The following GOLIM4 variants were observed in gnomAD, a reference collection of about 807,000 sequenced individuals.
The protein encoded by GOLIM4 is golgi integral membrane protein 4, also known as 130 kDa golgi-localized phosphoprotein.
Under a neutral mutation model 107.4 loss-of-function variants are expected in GOLIM4, and 71 were observed. The ratio of observed to expected loss-of-function variants is 0.66; its 90% CI spans 0.55 to 0.81. The LOEUF (loss-of-function observed/expected upper bound fraction) is 0.81, where lower values mean the gene tolerates loss of function less well. Ranked by LOEUF, GOLIM4 falls within the 30% of genes least tolerant of loss-of-function variation. GOLIM4 has a pLI of 0.00. For missense variants in GOLIM4, 830 were observed against 826.1 expected, an observed-to-expected ratio of 1.00 and a Z score of -0.06; for synonymous variants, 327 against 294.8, an observed-to-expected ratio of 1.11 and a Z score of -1.12.
At chr3:168,040,644 C>A in intron 7 of GOLIM4, 142 bp downstream of exon 7, 3 of 520,826 alleles carry the variant, frequency 5.8e-6, no homozygotes, top group Non-Finnish European at 1.0e-5. Flanking sequence ...ATTTTGAAAG[C>A]ATGCATGATC....
rs559297607 is a variant in GOLIM4 at position 168,012,077 on chromosome 3, G to A, written c.1861-1254C>T. On this transcript the variant is annotated intron_variant, in intron 14 of 15. Coordinates refer to ENST00000470487, the MANE Select transcript of GOLIM4 (RefSeq NM_014498.5). ...GACGAGCTGAGAGAAGGCTTCAGACGATCAAATTACTCTGAGCTACGGGAG... is the reference window on the plus strand; with the variant it reads ...GACGAGCTGAGAGAAGGCTTCAGACAATCAAATTACTCTGAGCTACGGGAG... Among the ~76,000 whole-genome samples the A allele has an allele frequency of 1.0e-3, 128 of 127,474 alleles. 3 individuals are homozygous for A. The highest frequency in any genetic ancestry group is 7.4e-3 in the Middle Eastern group (2 of 272). 83.6% of individuals were successfully genotyped at this position (127,474 alleles called of 152,430 possible).
In GOLIM4 at chr3:168,032,710, T is replaced by C. The variant is rs1378857548; in HGVS notation, c.986A>G (p.Glu329Gly). The C allele has an allele frequency of 1.9e-6, 3 of 1,613,962 alleles. No individual in the cohort carries two copies. The Admixed American group carries it at 5.0e-5, about 27-fold the overall frequency. ...EPIQQEVERR[E>G]PEEHQVEEEH... ...CTCTTCCACCTGATGCTCCTCAGGTTCTCTGCGTTCCACTTCTTGTTGGAT... is the reference window on the plus strand; with the variant it reads ...CTCTTCCACCTGATGCTCCTCAGGTCCTCTGCGTTCCACTTCTTGTTGGAT... Residue 329 changes from glutamate (E) to glycine (G), a missense_variant, in exon 9 of 16, where the codon GAA (glutamate) becomes GGA (glycine). Coordinates refer to ENST00000470487, the MANE Select transcript of GOLIM4 (RefSeq NM_014498.5).
At chr3:168,058,039 T>C (rs1221769258) in intron 1 of GOLIM4, among the ~76,000 whole-genome samples, 5 of 152,208 alleles carry the variant, frequency 3.3e-5, no homozygotes, top group East Asian at 1.9e-4. Context: ...AGGCTCACAC[T>C]ATTAGCATTA....
At chr3:168,076,240 T>A (rs1019433431) in intron 1 of GOLIM4, among the ~76,000 whole-genome samples, 1 of 152,258 alleles carries the variant, frequency 6.6e-6, no homozygotes, top group African/African-American at 2.4e-5. Flanking sequence ...TAAGTGAATA[T>A]GGTAATTTTT....
Position 168,024,552 on chromosome 3 carries a change from G to A in GOLIM4, c.1834C>T (p.Gln612Ter), listed in dbSNP as rs1484385121. 1.2e-6 allele frequency: 2 copies of A among 1,613,166 alleles called. No individual in the cohort carries two copies. The highest frequency in any genetic ancestry group is 1.3e-5 in the African/African-American group (1 of 75,004). ...PDQQEDNVDE[Q>*]YQEEAEEEVQ... ...TCCTCTTCTGCCTCTTCCTGGTACT[G>A]TTCATCAACATTGTCCTCCTGCTGG... The change falls in exon 14 of 16, where the codon CAG (glutamine) becomes TAG (stop). Residue 612 changes from glutamine to a stop codon, truncating the protein, a stop_gained. Coordinates refer to ENST00000470487, the MANE Select transcript of GOLIM4 (RefSeq NM_014498.5). LOFTEE classifies it high-confidence loss of function.
Position 168,009,846 on chromosome 3 carries a change from T to A in GOLIM4, c.*423A>T, listed in dbSNP as rs1716889232. On this transcript the variant is annotated 3_prime_UTR_variant, in exon 16 of 16. Coordinates refer to ENST00000470487, the MANE Select transcript of GOLIM4 (RefSeq NM_014498.5). ...AGGGCAGCAATTAGTAAACAGGCCA[T>A]TCTCTTTAAAGTCTGCATGGCATTT... 1 of 154,928 alleles carries A rather than the reference T, an allele frequency of 6.5e-6. No homozygotes were observed. The highest frequency in any genetic ancestry group is 2.4e-5 in the African/African-American group (1 of 41,656). 9.6% of individuals were successfully genotyped at this position (154,928 alleles called of 1,614,324 possible).
chr3:168,050,086 C>T (rs1391808235), intron 1 of GOLIM4, among the ~76,000 whole-genome samples: 2 of 152,144 alleles, frequency 1.3e-5, no homozygotes, highest in Non-Finnish European at 2.9e-5. Context: ...CCATCCCCTT[C>T]CTCTACCAGG....
At chr3:168,043,239 T>A in intron 5 of GOLIM4, 140 bp downstream of exon 5, 1 of 614,298 alleles carries the variant, frequency 1.6e-6, no homozygotes, top group Non-Finnish European at 2.8e-6. Flanking sequence ...TGTGAAACAT[T>A]ACAAAGAAAA....
intron 12 of GOLIM4, 106 bp from the exon 13 acceptor site, chr3:168,025,201 C>A: frequency 1.2e-6 from 1 of 852,678 alleles, no homozygotes. Context: ...GTCCTTCCCT[C>A]AATTGTTCAG....
At chr3:168,059,779 G>C (rs1406648987) in intron 1 of GOLIM4, among the ~76,000 whole-genome samples, 2 of 152,184 alleles carry the variant, frequency 1.3e-5, no homozygotes, top group Non-Finnish European at 1.5e-5. Flanking sequence ...TTTTAAAATA[G>C]AGTGATGAGG....
Position 168,010,657 on chromosome 3 carries a change from G to C in GOLIM4, c.1941+86C>G, listed in dbSNP as rs57405643. Reference sequence around the variant, plus strand: ...CAGAGGTACCATTACCCACTGGTACGTATCCCAAATACATATATCTCTCCT... The same window carrying C: ...CAGAGGTACCATTACCCACTGGTACCTATCCCAAATACATATATCTCTCCT... On this transcript the variant is annotated intron_variant, in intron 15 of 15. Transcript: ENST00000470487. 0.088 allele frequency: 88,870 copies of C among 1,014,892 alleles called. 11,428 individuals are homozygous for C. Among genetic ancestry groups the C allele is most frequent in the African/African-American group, 0.53 (33,560 of 63,318 alleles). 62.9% of individuals were successfully genotyped at this position (1,014,892 alleles called of 1,614,324 possible). A position where few individuals can be genotyped will look rare whatever the true frequency, so the allele number is the denominator to read the frequency against.
At chr3:168,061,610 A>T (rs1720275151) in intron 1 of GOLIM4, among the ~76,000 whole-genome samples, 1 of 152,234 alleles carries the variant, frequency 6.6e-6, no homozygotes, top group Admixed American at 6.5e-5. Flanking sequence ...AATGCAAAAT[A>T]TCATTCAGCA....
intron 1 of GOLIM4, among the ~76,000 whole-genome samples, chr3:168,057,530 A>G (rs915209994): frequency 1.3e-5 from 2 of 152,138 alleles, no homozygotes; most frequent in Admixed American, 1.3e-4. Context: ...CCACTTTTAA[A>G]CCATCAGATC....
At chr3:168,051,371 T>C (rs2108257199) in intron 1 of GOLIM4, among the ~76,000 whole-genome samples, 1 of 152,276 alleles carries the variant, frequency 6.6e-6, no homozygotes, top group Non-Finnish European at 1.5e-5. Context: ...TAAATGGAAA[T>C]TTACATATTT....
chr3:168,064,610 T>TG (rs61164798), intron 1 of GOLIM4, among the ~76,000 whole-genome samples: 1,666 of 151,824 alleles, frequency 0.011, 30 homozygotes, highest in African/African-American at 0.038. Context: ...GGATTTTTTT[T>TG]TTTTTTTTAA....
At chr3:168,044,763 T>C (rs1560086582) in intron 4 of GOLIM4, 65 bp downstream of exon 4, 1 of 865,790 alleles carries the variant, frequency 1.2e-6, no homozygotes, top group Non-Finnish European at 1.9e-6. Context: ...TTAAAGGCCA[T>C]TAGTCAGTTC....
chr3:168,029,156 TCA>T (rs1419070017), intron 11 of GOLIM4, 65 bp downstream of exon 11: 1 of 1,018,336 alleles, frequency 9.8e-7, no homozygotes, highest in African/African-American at 1.6e-5. Context: ...TAATATTGGC[TCA>T]CTGATAATAT....
intron 1 of GOLIM4, among the ~76,000 whole-genome samples, chr3:168,092,073 A>G (rs1461613939): frequency 1.3e-5 from 2 of 152,200 alleles, no homozygotes; most frequent in Admixed American, 6.5e-5. Flanking sequence ...TTGGTCTGGG[A>G]GCCACCAGGT....
rs1427443314 is a variant in GOLIM4 at position 168,032,834 on chromosome 3, C to T, written c.862G>A (p.Val288Met). 1 of 1,611,816 alleles carries T rather than the reference C, an allele frequency of 6.2e-7. No homozygotes were observed. Among genetic ancestry groups the T allele is most frequent in the Admixed American group, 1.7e-5 (1 of 59,874 alleles). Reference protein sequence around the residue: ...EVQEVSRNNDVWQNHEAVPGR... With the variant: ...EVQEVSRNNDMWQNHEAVPGR... The stretch of plus-strand genomic sequence containing the variant: ...GGAACTGCTTCATGGTTCTGCCACA[C>T]ATCATTATTTCGAGACACCTAGGCC... The change falls in exon 9 of 16, where the codon GTG (valine) becomes ATG (methionine). Residue 288 changes from valine to methionine, a missense_variant. Physicochemically the swap from Val to Met is conservative, Grantham distance 21. Coordinates refer to ENST00000470487, the MANE Select transcript of GOLIM4 (RefSeq NM_014498.5).
Sources: allele counts gnomAD v4.1 joint callset (sites outside exome capture counted in the v4.1 genomes callset), GRCh38; gene constraint gnomAD v4.1.1; transcripts MANE v1.5; gene names NCBI Gene and HGNC (gene_info 2026-07-23, HGNC 2026-07-21).